Variants in FOLH1 observed in about 807,000 individuals in gnomAD.
FOLH1 encodes the protein glutamate carboxypeptidase 2.
In FOLH1, 54 loss-of-function variants were observed where a neutral mutation model predicts 93.9. The observed-to-expected ratio is 0.57, with a 90% CI of 0.46 to 0.72. The LOEUF (loss-of-function observed/expected upper bound fraction) is 0.72, where lower values mean the gene tolerates loss of function less well. Among genes scored for constraint, FOLH1 ranks in the 30% least tolerant of loss-of-function variants. The pLI is 0.00. For missense variants in FOLH1, 571 were observed against 892.5 expected (o/e 0.64, Z 4.59); for synonymous variants, 249 against 303.6 (o/e 0.82, Z 1.87).
chr11:49,198,193 G>T (rs761628624), intron 3 of FOLH1, among the ~76,000 whole-genome samples: 3 of 151,788 alleles, frequency 2.0e-5, no homozygotes, highest in Non-Finnish European at 4.4e-5. Flanking sequence ...AGAAAAAAAC[G>T]ACAACATAGC....
intron 3 of FOLH1, among the ~76,000 whole-genome samples, chr11:49,199,476 C>T (rs1347413732): frequency 2.0e-5 from 3 of 152,274 alleles, no homozygotes; most frequent in East Asian, 1.9e-4. Context: ...ACAAATTCTT[C>T]GCACAGAGTT....
chr11:49,149,110 G>A (rs538177515), intron 17 of FOLH1, among the ~76,000 whole-genome samples: 8 of 152,064 alleles, frequency 5.3e-5, no homozygotes, highest in African/African-American at 1.2e-4. Flanking sequence ...AGGGCCTGTC[G>A]TGGGGTGGGG....
rs907865880 is a variant in FOLH1, at chr11:49,199,221, C to A, written c.411+1034G>T. On this transcript the variant is annotated intron_variant, in intron 3 of 18. Transcript: ENST00000256999. ...TAATAAAAGGACTAAAGGAACTTAC[C>A]TAAATAGAAATGGACTCTTCTACAT... is the stretch of plus-strand genomic sequence containing the variant. Among the ~76,000 whole-genome samples, 8 of 152,192 alleles carry A rather than the reference C, an allele frequency of 5.3e-5. No individual in the cohort carries two copies. In the Middle Eastern group the frequency reaches 0.01, roughly 194 times the overall value.
At chr11:49,178,031 C>T (rs1285561447) in intron 7 of FOLH1, among the ~76,000 whole-genome samples, 1 of 151,710 alleles carries the variant, frequency 6.6e-6, no homozygotes, top group Non-Finnish European at 1.5e-5. Context: ...GAGGGTCTAT[C>T]TTCCGTGGTT....
chr11:49,154,759 G>T (rs139506519), intron 15 of FOLH1, among the ~76,000 whole-genome samples: 9 of 151,840 alleles, frequency 5.9e-5, no homozygotes, highest in African/African-American at 1.7e-4. Flanking sequence ...CTCTAAGAAT[G>T]CAGAACATTG....
intron 11 of FOLH1, 85 bp downstream of exon 11, chr11:49,171,110 C>T: frequency 7.2e-7 from 1 of 1,387,594 alleles, no homozygotes; most frequent in Non-Finnish European, 9.6e-7. Flanking sequence ...TCATTATATT[C>T]ACTTCTTATT....
Position 49,171,236 on chromosome 11 carries a change from C to T in FOLH1, c.1267G>A (p.Ala423Thr), listed in dbSNP as rs1859218704. 5 of 1,588,986 alleles carry T rather than the reference C, an allele frequency of 3.1e-6. No individual in the cohort carries two copies. Among genetic ancestry groups the T allele is most frequent in the Non-Finnish European group, 4.3e-6 (5 of 1,170,390 alleles). Reference protein sequence around the residue: ...RRTILFASWDAEEFGLLGSTE... With the variant: ...RRTILFASWDTEEFGLLGSTE... ...GAACCAAGAAGACCAAATTCTTCTG[C>T]ATCCCAGCTTGCAAACAAAATTGTT... is the stretch of plus-strand genomic sequence containing the variant. Residue 423 changes from alanine to threonine, a missense_variant, in exon 11 of 19, where the codon GCA becomes ACA. Transcript: ENST00000256999.
chr11:49,178,951 C>T lies in FOLH1; in HGVS notation c.921-2994G>A, dbSNP rs541819428. 3.9e-5 allele frequency among the ~76,000 whole-genome samples: 6 copies of T among 152,278 alleles called. No homozygotes were observed. The East Asian group carries it at 9.6e-4, about 24-fold the overall frequency. On this transcript the variant is annotated intron_variant, in intron 7 of 18. Coordinates refer to ENST00000256999, the MANE Select transcript of FOLH1 (RefSeq NM_004476.3). Reference sequence around the variant, plus strand: ...AAAAAATATAAATATATACAAGACTCAGTCTTTCCACCAAAGAGTTTATAA... The same window carrying T: ...AAAAAATATAAATATATACAAGACTTAGTCTTTCCACCAAAGAGTTTATAA...
intron 3 of FOLH1, among the ~76,000 whole-genome samples, chr11:49,198,687 C>T (rs34983822): frequency 0.046 from 6,919 of 151,880 alleles, 137 homozygotes; most frequent in Non-Finnish European, 0.062. Flanking sequence ...TATGCCACCA[C>T]TTATTTAACA....
At chr11:49,170,184 T>C (rs971926837) in intron 11 of FOLH1, among the ~76,000 whole-genome samples, 1 of 152,214 alleles carries the variant, frequency 6.6e-6, no homozygotes, top group African/African-American at 2.4e-5. Context: ...GTTTCTGTTA[T>C]ATAAAGCCAA....
At chr11:49,204,984 G>C (rs1332311314) in intron 2 of FOLH1, among the ~76,000 whole-genome samples, 3 of 152,098 alleles carry the variant, frequency 2.0e-5, no homozygotes, top group Non-Finnish European at 4.4e-5. Context: ...GCCGAGGCGG[G>C]CAGATCACCT....
At chr11:49,192,032 C>A (rs1862110205) in intron 4 of FOLH1, among the ~76,000 whole-genome samples, 1 of 152,204 alleles carries the variant, frequency 6.6e-6, no homozygotes, top group African/African-American at 2.4e-5. Flanking sequence ...TCACACTTCA[C>A]ACTTCAACTT....
Position 49,146,610 on chromosome 11 carries a change from ACACATATATAAACACT to A in FOLH1, c.*130_*145del, listed in dbSNP as rs879428151. ...GGGAGAAGATAAACAATATAAACAC[ACACATATATAAACACT>A]CACATAACTATATATAATATTCAAC... On this transcript the variant is annotated 3_prime_UTR_variant, in exon 19 of 19. Coordinates refer to ENST00000256999, the MANE Select transcript of FOLH1 (RefSeq NM_004476.3). 150 of 602,916 alleles carry A rather than the reference ACACATATATAAACACT, an allele frequency of 2.5e-4. No individual in the cohort carries two copies. Among genetic ancestry groups the A allele is most frequent in the Non-Finnish European group, 3.4e-4 (128 of 371,696 alleles). The allele number at this position is 602,916 out of a possible 1,614,324, so 37.3% of individuals were successfully genotyped here.
At chr11:49,206,688 C>T in intron 1 of FOLH1, 1 of 1,301,902 alleles carries the variant, frequency 7.7e-7, no homozygotes, top group East Asian at 2.6e-5. Flanking sequence ...GATTCTGAAA[C>T]TAAAACAAAA....
chr11:49,200,987 C>T (rs1363818114), intron 2 of FOLH1, among the ~76,000 whole-genome samples: 6 of 152,026 alleles, frequency 3.9e-5, no homozygotes, highest in Admixed American at 6.6e-5. Flanking sequence ...CTCCATCTAT[C>T]ATACAGAGTG....
rs192585791 is a variant in FOLH1, at chr11:49,151,969, C to A, written c.1970+1877G>T. ...CTTCCAATATTCCCTGAGGATAGCACAATTATTATAATAATTCATTAATTC... is the reference window on the plus strand; with the variant it reads ...CTTCCAATATTCCCTGAGGATAGCAAAATTATTATAATAATTCATTAATTC... On this transcript the variant is annotated intron_variant, in intron 17 of 18. Transcript: ENST00000256999. 7.0e-3 allele frequency among the ~76,000 whole-genome samples: 1,072 copies of A among 152,152 alleles called. 10 individuals carry two copies. Among genetic ancestry groups the A allele is most frequent in the Non-Finnish European group, 0.011 (736 of 67,986 alleles).
chr11:49,173,832 G>T (rs1266051103), intron 9 of FOLH1, among the ~76,000 whole-genome samples: 4 of 152,016 alleles, frequency 2.6e-5, no homozygotes, highest in African/African-American at 9.7e-5. Context: ...AGAACATAGT[G>T]GCCACATAGG....
intron 2 of FOLH1, among the ~76,000 whole-genome samples, chr11:49,205,219 A>T (rs951160881): frequency 3.9e-5 from 6 of 152,064 alleles, no homozygotes; most frequent in African/African-American, 1.4e-4. Flanking sequence ...GAAAAAAGGA[A>T]AGAAAAGAAA....
At chr11:49,189,891 TAAAATGAGG>T (rs1006422475) in intron 4 of FOLH1, among the ~76,000 whole-genome samples, 1 of 151,542 alleles carries the variant, frequency 6.6e-6, no homozygotes, top group Non-Finnish European at 1.5e-5. Context: ...TAATATTAAA[TAAAATGAGG>T]AAAGTCTAAT....
Sources: allele counts gnomAD v4.1 joint callset (sites outside exome capture counted in the v4.1 genomes callset), GRCh38; gene constraint gnomAD v4.1.1; transcripts MANE v1.5; gene names NCBI Gene and HGNC (gene_info 2026-07-23, HGNC 2026-07-21).